SORBS2: variants seen among roughly 807,000 people sequenced by gnomAD.
SORBS2 encodes the protein sorbin and SH3 domain-containing protein 2.
SORBS2 carries 46 observed loss-of-function variants against 97.7 expected under a neutral mutation model. That is an observed-to-expected ratio of 0.47 (90% CI 0.37 to 0.60). The LOEUF is 0.60. Among genes scored for constraint, SORBS2 ranks in the 20% least tolerant of loss-of-function variants. The pLI, the probability that SORBS2 is intolerant of heterozygous loss-of-function variation, is 0.00. For synonymous variants in SORBS2, 476 were observed against 473.4 expected (o/e 1.01, Z -0.07); for missense variants, 1,316 against 1,282.3 (o/e 1.03, Z -0.40).
At chr4:185,894,701 C>T (rs930469510) in intron 1 of SORBS2, among the ~76,000 whole-genome samples, 1 of 152,182 alleles carries the variant, frequency 6.6e-6, no homozygotes, top group African/African-American at 2.4e-5. Context: ...CTCCATTGCG[C>T]TGACACAGCT....
intron 1 of SORBS2, among the ~76,000 whole-genome samples, chr4:185,863,490 GTCT>G (rs1323103543): frequency 3.3e-5 from 5 of 152,088 alleles, no homozygotes; most frequent in Non-Finnish European, 5.9e-5. Context: ...TTAATATACT[GTCT>G]TCTTATTTGT....
chr4:185,931,539 G>A (rs1007884787), intron 1 of SORBS2, among the ~76,000 whole-genome samples: 21 of 152,084 alleles, frequency 1.4e-4, no homozygotes, highest in African/African-American at 5.1e-4. Context: ...AAGGCCGGGG[G>A]TTATTACTAG....
At chr4:185,906,946 C>T (rs904139368) in intron 1 of SORBS2, among the ~76,000 whole-genome samples, 2 of 151,810 alleles carry the variant, frequency 1.3e-5, no homozygotes, top group Non-Finnish European at 2.9e-5. Context: ...GCCAACATGG[C>T]GAAACCCCGT....
At chr4:185,660,079 C>T (rs1404111660), upstream of SORBS2, among the ~76,000 whole-genome samples, 4 of 152,196 alleles carry the variant, frequency 2.6e-5, no homozygotes, top group Non-Finnish European at 5.9e-5. Context: ...TATCACAGCA[C>T]TGGCCAGCTG....
At chr4:185,859,870 T>C (rs1250650973) in intron 1 of SORBS2, among the ~76,000 whole-genome samples, 1 of 152,192 alleles carries the variant, frequency 6.6e-6, no homozygotes, top group Non-Finnish European at 1.5e-5. Context: ...CAAAAGCAGG[T>C]GCTTAGAGAC....
At chr4:185,846,913 T>C (rs1333464832) in intron 1 of SORBS2, among the ~76,000 whole-genome samples, 2 of 152,154 alleles carry the variant, frequency 1.3e-5, no homozygotes, top group Non-Finnish European at 2.9e-5. Context: ...AAAATCCCTA[T>C]TTGTCAAATA....
chr4:185,684,854 C>CA lies in SORBS2; in HGVS notation c.-197-6033dup, dbSNP rs764915941. 2.8e-4 allele frequency: 437 copies of CA among 1,548,860 alleles called. No individual in the cohort carries two copies. Among genetic ancestry groups the CA allele is most frequent in the Middle Eastern group, 3.3e-4 (2 of 5,980 alleles). On this transcript the variant is annotated intron_variant, in intron 2 of 20. Transcript: ENST00000284776. The surrounding 1 kb of genome is among the most constrained non-coding windows in gnomAD (Gnocchi z 4.2). ...GAGCACACCCACCGCTATCTGGAAG[C>CA]AAAAAAATGATATAGCAGAGGCCAA...
intron 1 of SORBS2, among the ~76,000 whole-genome samples, chr4:185,939,204 C>T (rs1482071836): frequency 6.6e-6 from 1 of 152,164 alleles, no homozygotes; most frequent in East Asian, 1.9e-4. Context: ...TTTCTCTCCT[C>T]TCTCATTTTA....
intron 1 of SORBS2, among the ~76,000 whole-genome samples, chr4:185,884,543 C>T (rs752302896): frequency 2.0e-4 from 30 of 152,094 alleles, no homozygotes; most frequent in African/African-American, 5.8e-4. Context: ...AAAAGAAATC[C>T]GGAATGGCAA....
chr4:185,636,365 GC>G (rs1389134207), intron 4 of SORBS2, among the ~76,000 whole-genome samples: 1 of 152,124 alleles, frequency 6.6e-6, no homozygotes, highest in Non-Finnish European at 1.5e-5. Context: ...AGTTCAATAA[GC>G]TACCTTGAGT....
At chr4:185,667,597 C>T (rs1242374642) in intron 4 of SORBS2, among the ~76,000 whole-genome samples, 1 of 151,402 alleles carries the variant, frequency 6.6e-6, no homozygotes, top group Admixed American at 6.6e-5. Flanking sequence ...GGTTAAGAAA[C>T]CCCAACCTTG....
chr4:185,780,173 A>G (rs1473957551), intron 1 of SORBS2, among the ~76,000 whole-genome samples: 1 of 151,714 alleles, frequency 6.6e-6, no homozygotes, highest in Non-Finnish European at 1.5e-5. Flanking sequence ...GCATCACCAC[A>G]CCCGGTTAAT....
In SORBS2 at chr4:185,606,157, A is replaced by C; in HGVS notation, c.2796+5623T>G. On this transcript the variant is annotated intron_variant, in intron 12 of 14. Transcript: ENST00000418609. The surrounding 1 kb of genome is among the most constrained non-coding windows in gnomAD (Gnocchi z 4.3). Reference sequence around the variant, plus strand: ...CAGTTTCTCATCCTGGAATAGGACAAATTTCTGGGCATCAACTTCCTCTTC... The same window carrying C: ...CAGTTTCTCATCCTGGAATAGGACACATTTCTGGGCATCAACTTCCTCTTC... The C allele has an allele frequency of 1.0e-6, 1 of 985,370 alleles. No individual in the cohort carries two copies. Among genetic ancestry groups the C allele is most frequent in the Non-Finnish European group, 1.2e-6 (1 of 829,880 alleles). The allele number at this position is 985,370 out of a possible 1,614,324, so 61.0% of individuals were successfully genotyped here.
chr4:185,910,106 A>C (rs1428279122), intron 1 of SORBS2, among the ~76,000 whole-genome samples: 1 of 152,172 alleles, frequency 6.6e-6, no homozygotes, highest in Non-Finnish European at 1.5e-5. Flanking sequence ...TATGTGATTC[A>C]GCCCAAATTC....
At chr4:185,696,201 C>T (rs985252720) in intron 2 of SORBS2, among the ~76,000 whole-genome samples, 1 of 152,106 alleles carries the variant, frequency 6.6e-6, no homozygotes, top group Non-Finnish European at 1.5e-5. Context: ...ACCAAATGTC[C>T]TGATATTTGG....
At chr4:185,614,862 G>T (rs1468712006) in exon 11 of SORBS2, 1 of 1,614,058 alleles carries the variant, frequency 6.2e-7, no homozygotes, top group East Asian at 2.2e-5. Context: ...ATTTGTGTCT[G>T]CGTTGAAGTT....
At chr4:185,728,594 C>T (rs1364930609) in intron 2 of SORBS2, among the ~76,000 whole-genome samples, 1 of 152,192 alleles carries the variant, frequency 6.6e-6, no homozygotes, top group African/African-American at 2.4e-5. Flanking sequence ...CTTCTGTGTT[C>T]ACCTGTCATC....
At chr4:185,763,112 C>T (rs2098911938) in intron 2 of SORBS2, among the ~76,000 whole-genome samples, 1 of 152,116 alleles carries the variant, frequency 6.6e-6, no homozygotes, top group African/African-American at 2.4e-5. Context: ...TCACTTGAAC[C>T]CGGGAGGCGG....
rs141419105 is a variant in SORBS2 at position 185,878,820 on chromosome 4, C to T, written c.-338+77376G>A. Among the ~76,000 whole-genome samples, 550 of 152,314 alleles carry T rather than the reference C, an allele frequency of 3.6e-3. 4 individuals are homozygous for T. Among genetic ancestry groups the T allele is most frequent in the African/African-American group, 0.012 (515 of 41,568 alleles). ...CAGTGCCTCGCCTCAGCCTACACGA[C>T]CTGGGCTCTGCTCCCTCCCAGCAGC... On this transcript the variant is annotated intron_variant, in intron 1 of 20. Transcript: ENST00000284776.
Sources: allele counts gnomAD v4.1 joint callset (sites outside exome capture counted in the v4.1 genomes callset), GRCh38; gene constraint gnomAD v4.1.1; non-coding constraint Gnocchi (gnomAD v3.1); transcripts MANE v1.5; gene names NCBI Gene and HGNC (gene_info 2026-07-23, HGNC 2026-07-21).